The following SLAIN2 variants were observed in gnomAD, a reference collection of about 807,000 sequenced individuals.
SLAIN2 encodes the protein SLAIN family member 2.
A neutral mutation model predicts 56.6 loss-of-function variants in SLAIN2; 31 were observed. The ratio of observed to expected loss-of-function variants is 0.55; its 90% CI spans 0.41 to 0.74. The LOEUF is 0.74. SLAIN2 is among the 30% of genes least tolerant of loss of function. The pLI is 0.00. For synonymous variants in SLAIN2, 317 were observed against 284.9 expected, an observed-to-expected ratio of 1.11 and a Z score of -1.13; for missense variants, 777 against 754.2, an observed-to-expected ratio of 1.03 and a Z score of -0.35.
intron 6 of SLAIN2, among the ~76,000 whole-genome samples, chr4:48,385,256 G>A (rs1024540127): frequency 2.6e-5 from 4 of 152,092 alleles, no homozygotes; most frequent in African/African-American, 4.8e-5. Context: ...TAGTCAAAAC[G>A]GTTTTAAATA....
At chr4:48,389,026 C>T (rs1437147614) in intron 6 of SLAIN2, among the ~76,000 whole-genome samples, 2 of 152,078 alleles carry the variant, frequency 1.3e-5, no homozygotes, top group Non-Finnish European at 2.9e-5. Flanking sequence ...GGAAGGAATT[C>T]CCATCCAGAT....
intron 7 of SLAIN2, 85 bp from the exon 8 acceptor site, chr4:48,421,926 A>G: frequency 9.0e-7 from 1 of 1,109,696 alleles, no homozygotes; most frequent in Non-Finnish European, 1.3e-6. Flanking sequence ...CCACCTGAAG[A>G]GTAATTAATA....
chr4:48,386,904 A>G (rs1200537408), intron 6 of SLAIN2, among the ~76,000 whole-genome samples: 1 of 152,228 alleles, frequency 6.6e-6, no homozygotes, highest in Non-Finnish European at 1.5e-5. Context: ...TAAATCATTA[A>G]GAAGGTTAAA....
intron 6 of SLAIN2, among the ~76,000 whole-genome samples, chr4:48,398,088 G>C (rs1477447727): frequency 6.6e-6 from 1 of 152,204 alleles, no homozygotes; most frequent in Non-Finnish European, 1.5e-5. Context: ...TCACCATGCT[G>C]TCTTCCACAG....
chr4:48,411,082 T>C lies in SLAIN2; in HGVS notation c.1361-9043T>C, dbSNP rs149302652. Among the ~76,000 whole-genome samples the C allele has an allele frequency of 3.6e-3, 540 of 152,030 alleles. 1 individual carries two copies. The highest frequency in any genetic ancestry group is 5.2e-3 in the South Asian group (25 of 4,810). ...TGTTTCGTTGGTGTTTTTTCGTCGT[T>C]GTTGTTTTAACTAGTGAGTGTGTGT... On this transcript the variant is annotated intron_variant, in intron 6 of 7. Transcript: ENST00000264313.
chr4:48,348,025 A>C lies in SLAIN2; in HGVS notation c.389+5897A>C, dbSNP rs80204601. The stretch of plus-strand genomic sequence containing the variant: ...AATTGAGATTGACACCAAACCTAAA[A>C]GTCAAGTCTGATGAAGTACGATTGA... On this transcript the variant is annotated intron_variant, in intron 1 of 7. Transcript: ENST00000264313. Among the ~76,000 whole-genome samples, 1,180 of 152,346 alleles carry C rather than the reference A, an allele frequency of 7.7e-3. 19 individuals carry two copies. The highest frequency in any genetic ancestry group is 0.027 in the African/African-American group (1,129 of 41,586).
intron 6 of SLAIN2, among the ~76,000 whole-genome samples, chr4:48,391,198 A>G (rs1300245159): frequency 6.6e-6 from 1 of 152,202 alleles, no homozygotes; most frequent in Non-Finnish European, 1.5e-5. Context: ...ATATTGTACC[A>G]CAGGGTTGGA....
At chr4:48,378,153 T>TA in intron 3 of SLAIN2, 93 bp downstream of exon 3, 1 of 1,389,744 alleles carries the variant, frequency 7.2e-7, no homozygotes, top group East Asian at 2.3e-5. Flanking sequence ...TCGAGTTCAT[T>TA]TTATTTATGA....
At position 48,369,777 on chromosome 4, in the gene SLAIN2, C is replaced by T. The variant is rs559260931; in HGVS notation, c.390-72C>T. ...TCCCTTCTCCCCTATTTAAATCGAT[C>T]CAAAAGGATCCCTGTTTTATATAAC... On this transcript the variant is annotated intron_variant, in intron 1 of 7. Transcript: ENST00000264313. The T allele has an allele frequency of 3.5e-6, 5 of 1,431,838 alleles. No individual in the cohort carries two copies. The African/African-American group carries it at 7.1e-5, about 20-fold the overall frequency. The allele number at this position is 1,431,838 out of a possible 1,614,324, so 88.7% of individuals were successfully genotyped here. A position where few individuals can be genotyped will look rare whatever the true frequency, so the allele number is the denominator to read the frequency against.
At chr4:48,408,855 C>G (rs1315033051) in intron 6 of SLAIN2, among the ~76,000 whole-genome samples, 1 of 152,122 alleles carries the variant, frequency 6.6e-6, no homozygotes, top group Non-Finnish European at 1.5e-5. Flanking sequence ...AATTTCAGTT[C>G]TATAAGCTCC....
At chr4:48,372,041 T>TATACATATATATATATACACAC (rs1560455472) in intron 2 of SLAIN2, among the ~76,000 whole-genome samples, 2 of 134,766 alleles carry the variant, frequency 1.5e-5, no homozygotes, top group African/African-American at 5.8e-5. Context: ...TATATACATA[T>TATACATATATATATATACACAC]ACATATATAC....
At chr4:48,368,050 G>GTTTTTTTTTTTTTTTTTTTTTTTTTTTTT (rs1466698335) in intron 1 of SLAIN2, among the ~76,000 whole-genome samples, 1 of 28,534 alleles carries the variant, frequency 3.5e-5, no homozygotes, top group Non-Finnish European at 5.6e-5. Context: ...TGTTTTTGAG[G>GTTTTTTTTTTTTTTTTTTTTTTTTTTTTT]CTTTTTTTTT....
intron 1 of SLAIN2, among the ~76,000 whole-genome samples, chr4:48,358,445 G>A (rs1337077198): frequency 2.0e-5 from 3 of 151,352 alleles, no homozygotes; most frequent in East Asian, 3.9e-4. Context: ...TCAGCCTCCC[G>A]AGTAGCTGAA....
chr4:48,410,248 T>G (rs1192259047), intron 6 of SLAIN2, among the ~76,000 whole-genome samples: 1 of 152,046 alleles, frequency 6.6e-6, no homozygotes, highest in African/African-American at 2.4e-5. Flanking sequence ...TGGAGAAATG[T>G]CTATTCAAAT....
intron 6 of SLAIN2, among the ~76,000 whole-genome samples, chr4:48,413,585 A>T (rs943021661): frequency 2.0e-5 from 3 of 152,178 alleles, no homozygotes; most frequent in Non-Finnish European, 4.4e-5. Flanking sequence ...GAATAATTGA[A>T]ATGATATGAC....
intron 6 of SLAIN2, among the ~76,000 whole-genome samples, chr4:48,403,627 A>C (rs912030045): frequency 1.3e-5 from 2 of 152,154 alleles, no homozygotes; most frequent in African/African-American, 4.8e-5. Flanking sequence ...TGTGTCAGGC[A>C]GTCTCCAGCC....
intron 2 of SLAIN2, among the ~76,000 whole-genome samples, chr4:48,372,558 A>G (rs896551599): frequency 9.2e-5 from 14 of 152,214 alleles, no homozygotes; most frequent in South Asian, 2.1e-4. Context: ...ATTATTAGCA[A>G]TTGGTGACTA....
chr4:48,394,194 C>CT (rs146783957), intron 6 of SLAIN2, among the ~76,000 whole-genome samples: 15 of 152,232 alleles, frequency 9.9e-5, no homozygotes, highest in African/African-American at 2.2e-4. Flanking sequence ...CCAAAATCTG[C>CT]TTTTTTTGCG....
chr4:48,373,046 A>T (rs949387860), intron 2 of SLAIN2, among the ~76,000 whole-genome samples: 1 of 151,904 alleles, frequency 6.6e-6, no homozygotes, highest in African/African-American at 2.4e-5. Flanking sequence ...TTGACAGTGT[A>T]TTGTCTTTTT....
Sources: gnomAD v4.1 joint callset for allele counts (sites outside exome capture counted in the v4.1 genomes callset) on GRCh38, gnomAD v4.1.1 for gene constraint, MANE v1.5 for transcripts, NCBI Gene and HGNC (gene_info 2026-07-23, HGNC 2026-07-21) for gene names.